KANK1: variants seen among roughly 807,000 people sequenced by gnomAD.
KANK1 encodes KN motif and ankyrin repeat domain-containing protein 1.
In KANK1, 109 loss-of-function variants were observed where a neutral mutation model predicts 106.2. The ratio of observed to expected loss-of-function variants is 1.03; its 90% CI spans 0.88 to 1.20. The LOEUF (loss-of-function observed/expected upper bound fraction) is 1.20, where lower values mean the gene tolerates loss of function less well. KANK1 is among the 50% of genes most tolerant of loss of function. The pLI, the probability that KANK1 is intolerant of heterozygous loss-of-function variation, is 0.00. For synonymous variants in KANK1, 873 were observed against 652.2 expected (o/e 1.34, Z -5.16); for missense variants, 2,399 against 1,710.7 (o/e 1.40, Z -7.10).
At chr9:607,674 C>G (rs1411113197) in intron 1 of KANK1, among the ~76,000 whole-genome samples, 1 of 151,602 alleles carries the variant, frequency 6.6e-6, no homozygotes, top group East Asian at 1.9e-4. Flanking sequence ...CTTCACCCAG[C>G]CCAGCAGCAG....
intron 3 of KANK1, among the ~76,000 whole-genome samples, chr9:497,401 C>A (rs1377239455): frequency 2.0e-5 from 3 of 151,402 alleles, no homozygotes; most frequent in Non-Finnish European, 4.4e-5. Context: ...GAGGGAGACT[C>A]ATTGGTGCTC....
In KANK1 at chr9:732,502, C is replaced by G. The variant is rs150840874; in HGVS notation, c.3130C>G (p.Arg1044Gly). ...EEEEEEDEDT[R>G]GMAEGHHAVN... The stretch of plus-strand genomic sequence containing the variant: ...GGAGGAGGAGGAGGATGAAGACACT[C>G]GGGGAATGGCAGAAGGGCACCATGC... The change falls in exon 6 of 12, where the codon CGG becomes GGG. Residue 1044 changes from arginine to glycine, a missense_variant. Physicochemically the swap from Arg to Gly is moderately radical, Grantham distance 125. Coordinates refer to ENST00000382297, the MANE Select transcript of KANK1 (RefSeq NM_015158.5). 1 of 1,613,888 alleles carries G rather than the reference C, an allele frequency of 6.2e-7. No individual in the cohort carries two copies. Among genetic ancestry groups the G allele is most frequent in the East Asian group, 2.2e-5 (1 of 44,888 alleles).
intron 1 of KANK1, among the ~76,000 whole-genome samples, chr9:676,107 C>T (rs1055747881): frequency 6.6e-6 from 1 of 152,168 alleles, no homozygotes; most frequent in Non-Finnish European, 1.5e-5. Flanking sequence ...TTTTGGACGG[C>T]TTCTTTACCA....
chr9:536,767 AGGTTTG>A (rs2060322820), intron 1 of KANK1, among the ~76,000 whole-genome samples: 1 of 152,226 alleles, frequency 6.6e-6, no homozygotes, highest in African/African-American at 2.4e-5. Flanking sequence ...ACATAGTCAC[AGGTTTG>A]GGAATTAGAA....
At chr9:720,470 A>G (rs1455667227) in intron 3 of KANK1, among the ~76,000 whole-genome samples, 1 of 152,124 alleles carries the variant, frequency 6.6e-6, no homozygotes, top group African/African-American at 2.4e-5. Flanking sequence ...TGAACCTCCC[A>G]ATAGCTAGGA....
chr9:573,822 G>C (rs1413840533), intron 1 of KANK1, among the ~76,000 whole-genome samples: 1 of 151,888 alleles, frequency 6.6e-6, no homozygotes, highest in Non-Finnish European at 1.5e-5. Flanking sequence ...CAGAAGGTCA[G>C]TTTTCCTACA....
intron 1 of KANK1, among the ~76,000 whole-genome samples, chr9:651,125 C>A (rs1025376651): frequency 6.6e-6 from 1 of 152,136 alleles, no homozygotes; most frequent in East Asian, 1.9e-4. Flanking sequence ...TTTTCGGAAC[C>A]CCTTCAATTG....
intron 1 of KANK1, among the ~76,000 whole-genome samples, chr9:655,795 C>T (rs141025842): frequency 6.6e-6 from 1 of 152,212 alleles, no homozygotes; most frequent in African/African-American, 2.4e-5. Context: ...GACTATTTCC[C>T]TTCCCTTGAT....
At chr9:528,630 G>C (rs989093158) in intron 1 of KANK1, among the ~76,000 whole-genome samples, 30 of 151,670 alleles carry the variant, frequency 2.0e-4, no homozygotes, top group African/African-American at 6.1e-4. Context: ...CTGCGTTACA[G>C]GTGCCCGCCA....
At chr9:698,672 T>A (rs1351292934) in intron 2 of KANK1, among the ~76,000 whole-genome samples, 1 of 152,178 alleles carries the variant, frequency 6.6e-6, no homozygotes, top group Non-Finnish European at 1.5e-5. Context: ...GTCAAAGTTC[T>A]CATTGTGGAA....
intron 3 of KANK1, among the ~76,000 whole-genome samples, chr9:481,054 C>G (rs1228615504): frequency 6.6e-6 from 1 of 152,206 alleles, no homozygotes; most frequent in African/African-American, 2.4e-5. Flanking sequence ...GCTCAGAACA[C>G]TTACATGAGC....
At chr9:644,964 A>G (rs1403645033) in intron 1 of KANK1, among the ~76,000 whole-genome samples, 1 of 150,172 alleles carries the variant, frequency 6.7e-6, no homozygotes, top group East Asian at 1.9e-4. Context: ...CTACTAAAAT[A>G]CAAAAGAATA....
Position 732,388 on chromosome 9 carries a change from A to G in KANK1, c.3016A>G (p.Thr1006Ala), listed in dbSNP as rs1589270400. Residue 1006 changes from threonine to alanine, a missense_variant, in exon 6 of 12, where the codon ACT becomes GCT. Thr to Ala is a moderately conservative substitution (Grantham distance 58). Transcript: ENST00000382297. ...CCAATTGCCACCTAGGTATGAAACA[A>G]CTTCAAGTGATGATTCCAGCTCAGA... ...FVGINGGYET[T>A]SSDDSSSDES... The G allele has an allele frequency of 3.1e-6, 5 of 1,610,554 alleles. No individual in the cohort carries two copies. The East Asian group carries it at 1.1e-4, about 36-fold the overall frequency.
chr9:485,912 T>G (rs1004024651), intron 3 of KANK1, among the ~76,000 whole-genome samples: 3 of 150,168 alleles, frequency 2.0e-5, no homozygotes, highest in African/African-American at 7.4e-5. Flanking sequence ...GAGAGAGATG[T>G]AGAGAAGCTG....
chr9:490,190 A>C (rs2058354504), intron 3 of KANK1, among the ~76,000 whole-genome samples: 1 of 152,144 alleles, frequency 6.6e-6, no homozygotes, highest in Non-Finnish European at 1.5e-5. Flanking sequence ...AGACATTTTA[A>C]ATACATCTCC....
intron 1 of KANK1, among the ~76,000 whole-genome samples, chr9:527,365 G>A (rs935621888): frequency 2.0e-5 from 3 of 151,698 alleles, no homozygotes; most frequent in South Asian, 2.1e-4. Flanking sequence ...GCAGTGGCGC[G>A]ATCTTGGCTC....
intron 1 of KANK1, among the ~76,000 whole-genome samples, chr9:532,057 C>T (rs929631509): frequency 2.6e-5 from 4 of 152,182 alleles, no homozygotes; most frequent in East Asian, 1.9e-4. Context: ...AACACAGAGG[C>T]GTTATAGACT....
Position 626,290 on chromosome 9 carries a change from A to G in KANK1, c.-83-50600A>G, listed in dbSNP as rs150686972. 3.8e-3 allele frequency among the ~76,000 whole-genome samples: 572 copies of G among 152,148 alleles called. 9 individuals are homozygous for G. Among genetic ancestry groups the G allele is most frequent in the African/African-American group, 0.014 (568 of 41,488 alleles). On this transcript the variant is annotated intron_variant, in intron 1 of 11. Transcript: ENST00000382297. ...GCCAACATGGTGAAACCCCATTTCT[A>G]CTAAAAATAAAAAAGTTAGCCAGGC...
intron 1 of KANK1, among the ~76,000 whole-genome samples, chr9:594,923 A>G (rs559784552): frequency 9.9e-5 from 15 of 151,986 alleles, no homozygotes; most frequent in Admixed American, 6.5e-4. Context: ...TATTACAATC[A>G]GAGGAATTAA....
Sources: allele counts gnomAD v4.1 joint callset (sites outside exome capture counted in the v4.1 genomes callset), GRCh38; gene constraint gnomAD v4.1.1; transcripts MANE v1.5; gene names NCBI Gene and HGNC (gene_info 2026-07-23, HGNC 2026-07-21).